Variants in COP1 observed in about 807,000 individuals in gnomAD.
COP1 encodes the protein COP1 E3 ubiquitin ligase.
In COP1, 24 loss-of-function variants were observed where a neutral mutation model predicts 101.3. The ratio of observed to expected loss-of-function variants is 0.24; its 90% confidence interval spans 0.17 to 0.33. The LOEUF (loss-of-function observed/expected upper bound fraction) is 0.33, where lower values mean the gene tolerates loss of function less well. Among genes scored for constraint, COP1 ranks in the 10% least tolerant of loss-of-function variants. COP1 has a pLI of 1.00. For missense variants in COP1, 663 were observed against 906.2 expected (o/e 0.73, Z 3.45); for synonymous variants, 347 against 341.9 (o/e 1.01, Z -0.17).
rs143414053 is a variant in COP1 at position 176,033,726 on chromosome 1, T to A, written c.1613-6038A>T. 3.3e-4 allele frequency among the ~76,000 whole-genome samples: 50 copies of A among 152,294 alleles called. 1 individual carries two copies. In the East Asian group the frequency reaches 8.3e-3, roughly 25 times the overall value. On this transcript the variant is annotated intron_variant, in intron 14 of 19. Coordinates refer to ENST00000367669, the MANE Select transcript of COP1 (RefSeq NM_022457.7). ...ACGTGCATATATACTTGGAACTAAA[T>A]TATTTTAAAAATATACAGCATATGT... is the stretch of plus-strand genomic sequence containing the variant.
chr1:176,194,715 C>T (rs1370438579), intron 1 of COP1, among the ~76,000 whole-genome samples: 1 of 151,872 alleles, frequency 6.6e-6, no homozygotes, highest in Non-Finnish European at 1.5e-5. Flanking sequence ...ACAAGAAACC[C>T]ACTTTAAATA....
chr1:176,007,732 C>G (rs867476390), intron 15 of COP1, among the ~76,000 whole-genome samples: 24 of 152,218 alleles, frequency 1.6e-4, no homozygotes, highest in African/African-American at 5.3e-4. Flanking sequence ...CTGGGAGAAC[C>G]ACTGCTCTCT....
At chr1:175,982,749 C>T (rs1306797203) in intron 18 of COP1, among the ~76,000 whole-genome samples, 1 of 152,052 alleles carries the variant, frequency 6.6e-6, no homozygotes, top group African/African-American at 2.4e-5. Context: ...ACTTGGAGGA[C>T]ATTATGCTAA....
rs116610063 is a variant in COP1 at position 176,129,897 on chromosome 1, C to G, written c.968+5113G>C. Among the ~76,000 whole-genome samples the G allele has an allele frequency of 5.9e-3, 899 of 151,872 alleles. 12 individuals are homozygous for G. Among genetic ancestry groups the G allele is most frequent in the African/African-American group, 0.021 (862 of 41,520 alleles). ...CGAATAGTATGCTAACGTTCCTCATCACACCAGATTTACAGCTAACCACAA... is the reference window on the plus strand; with the variant it reads ...CGAATAGTATGCTAACGTTCCTCATGACACCAGATTTACAGCTAACCACAA... On this transcript the variant is annotated intron_variant, in intron 8 of 19. Coordinates refer to ENST00000367669, the MANE Select transcript of COP1 (RefSeq NM_022457.7).
intron 11 of COP1, among the ~76,000 whole-genome samples, chr1:176,059,197 T>C (rs1459386192): frequency 1.3e-5 from 2 of 152,366 alleles, no homozygotes; most frequent in Admixed American, 1.3e-4. Flanking sequence ...TCACTCACTA[T>C]GTGGTTAATG....
At chr1:176,186,130 G>A (rs370627066) in intron 1 of COP1, among the ~76,000 whole-genome samples, 2 of 151,982 alleles carry the variant, frequency 1.3e-5, no homozygotes, top group Non-Finnish European at 2.9e-5. Context: ...CAGGAGGAAC[G>A]GCAAAAGAAC....
At chr1:176,111,301 T>TGTG (rs1558130325) in intron 9 of COP1, among the ~76,000 whole-genome samples, 6 of 151,950 alleles carry the variant, frequency 3.9e-5, no homozygotes, top group Non-Finnish European at 8.8e-5. Flanking sequence ...TATTTATTTT[T>TGTG]TGTGTGTGTG....
chr1:175,976,806 T>C (rs1440316202), intron 18 of COP1, among the ~76,000 whole-genome samples: 1 of 152,218 alleles, frequency 6.6e-6, no homozygotes, highest in Non-Finnish European at 1.5e-5. Context: ...AATATTTAGA[T>C]AGCTCGTAAT....
At chr1:175,987,411 T>C (rs1337366051) in intron 17 of COP1, among the ~76,000 whole-genome samples, 1 of 152,184 alleles carries the variant, frequency 6.6e-6, no homozygotes, top group East Asian at 1.9e-4. Flanking sequence ...GTTTTGTCAT[T>C]ACTTTTAATT....
chr1:176,146,960 A>ATCTT (rs1290047475), intron 6 of COP1, among the ~76,000 whole-genome samples: 1 of 152,210 alleles, frequency 6.6e-6, no homozygotes, highest in Non-Finnish European at 1.5e-5. Flanking sequence ...AGTTAAATGA[A>ATCTT]TCTTAACATT....
In COP1 at chr1:176,176,016, A is replaced by AGG; in HGVS notation, c.468-11_468-10dup. 1 of 1,354,216 alleles carries AGG rather than the reference A, an allele frequency of 7.4e-7. No individual in the cohort carries two copies. Among genetic ancestry groups the AGG allele is most frequent in the Non-Finnish European group, 1.0e-6 (1 of 962,600 alleles). 83.9% of individuals were successfully genotyped at this position (1,354,216 alleles called of 1,614,324 possible). A position where few individuals can be genotyped will look rare whatever the true frequency, so the allele number is the denominator to read the frequency against. On this transcript the variant is annotated splice_polypyrimidine_tract_variant and intron_variant, in intron 2 of 19. Coordinates refer to ENST00000367669, the MANE Select transcript of COP1 (RefSeq NM_022457.7). The stretch of plus-strand genomic sequence containing the variant: ...GATGAATACACTTGTAGCTATTAGT[A>AGG]GGGGGGGAAAAAAAAGGCTTAATTA...
At chr1:176,024,656 A>G (rs1667367866) in intron 15 of COP1, among the ~76,000 whole-genome samples, 1 of 152,210 alleles carries the variant, frequency 6.6e-6, no homozygotes, top group Non-Finnish European at 1.5e-5. Context: ...TGGCATTCAT[A>G]AATTGTTCAA....
At chr1:175,975,560 C>A (rs1454368914) in intron 18 of COP1, among the ~76,000 whole-genome samples, 2 of 152,044 alleles carry the variant, frequency 1.3e-5, no homozygotes, top group Non-Finnish European at 2.9e-5. Context: ...TAAGCATGCG[C>A]CAATATGCCA....
At chr1:176,018,772 T>G (rs1678850281) in intron 15 of COP1, 1 of 152,118 alleles carries the variant, frequency 6.6e-6, no homozygotes, top group Non-Finnish European at 1.5e-5. Flanking sequence ...CTTGGGAGGC[T>G]GAGGCGGGAG....
chr1:176,007,820 A>C (rs1310228419), intron 15 of COP1, among the ~76,000 whole-genome samples: 7 of 152,196 alleles, frequency 4.6e-5, no homozygotes. Context: ...CTGTCCCCAG[A>C]GGTGGAGCCT....
At chr1:176,020,254 T>C (rs1016613112) in intron 15 of COP1, among the ~76,000 whole-genome samples, 13 of 139,052 alleles carry the variant, frequency 9.3e-5, no homozygotes, top group Admixed American at 2.3e-4. Flanking sequence ...GAAGTTGCAG[T>C]GAGCCAAGAT....
At chr1:176,049,975 T>C (rs1292154381) in intron 11 of COP1, among the ~76,000 whole-genome samples, 1 of 152,224 alleles carries the variant, frequency 6.6e-6, no homozygotes, top group East Asian at 1.9e-4. Context: ...AAACTTTAAG[T>C]CTTACTACTG....
intron 3 of COP1, among the ~76,000 whole-genome samples, chr1:176,164,509 G>A (rs1004922906): frequency 1.3e-5 from 2 of 152,024 alleles, no homozygotes; most frequent in African/African-American, 2.4e-5. Flanking sequence ...GGTTAAGTAC[G>A]TAACCCAATT....
At chr1:176,156,826 A>G (rs1317906164) in intron 5 of COP1, among the ~76,000 whole-genome samples, 1 of 152,202 alleles carries the variant, frequency 6.6e-6, no homozygotes, top group Non-Finnish European at 1.5e-5. Context: ...ACCAAAAAAG[A>G]AAACAAAAGT....
Sources: gnomAD v4.1 joint callset for allele counts (sites outside exome capture counted in the v4.1 genomes callset) on GRCh38, gnomAD v4.1.1 for gene constraint, MANE v1.5 for transcripts, NCBI Gene and HGNC (gene_info 2026-07-23, HGNC 2026-07-21) for gene names.